FES: variants seen among roughly 807,000 people sequenced by gnomAD.
The protein encoded by FES is tyrosine-protein kinase Fes/Fps.
Under a neutral mutation model 109.6 loss-of-function variants are expected in FES, and 83 were observed. The observed-to-expected ratio is 0.76, with a 90% confidence interval of 0.63 to 0.91. The LOEUF (loss-of-function observed/expected upper bound fraction) is 0.91. Among genes scored for constraint, FES ranks in the 40% least tolerant of loss-of-function variants. The pLI is 0.00. For synonymous variants in FES, 458 were observed against 442.1 expected (o/e 1.04, Z -0.45); for missense variants, 943 against 1,070.9 (o/e 0.88, Z 1.67).
chr15:90,891,729 G>A (rs1357425944), intron 12 of FES, 53 bp downstream of exon 12: 20 of 1,608,472 alleles, frequency 1.2e-5, no homozygotes, highest in Admixed American at 5.0e-5. Context: ...CTTGGGGAGT[G>A]TGGGTCAGGC....
At chr15:90,891,370 G>C (rs2033197799) in intron 11 of FES, 179 bp downstream of exon 11, 1 of 1,052,850 alleles carries the variant, frequency 9.5e-7, no homozygotes, top group Non-Finnish European at 1.4e-6. Flanking sequence ...AGAGGCTTAA[G>C]TGTGAGTCCT....
rs143333656 is a variant in FES at position 90,889,928 on chromosome 15, C to T, written c.1015C>T (p.Arg339Trp). 1.7e-5 allele frequency: 27 copies of T among 1,613,500 alleles called. No individual in the cohort carries two copies. Among genetic ancestry groups the T allele is most frequent in the African/African-American group, 2.7e-5 (2 of 74,962 alleles). ...EMVTQLQQEL[R>W]NEEENTHPRE... Reference sequence around the variant, plus strand: ...GGTTACGCAGCTGCAACAGGAGCTCCGGAATGAAGAGGAGAACACCCACCC... The same window carrying T: ...GGTTACGCAGCTGCAACAGGAGCTCTGGAATGAAGAGGAGAACACCCACCC... Residue 339 changes from arginine to tryptophan, a missense_variant, in exon 8 of 19, where the codon CGG becomes TGG. Transcript: ENST00000328850. The surrounding 1 kb of genome is among the most constrained non-coding windows in gnomAD (Gnocchi z 6.1).
intron 4 of FES, 37 bp from the exon 5 acceptor site, chr15:90,887,150 A>G (rs1018101780): frequency 6.2e-7 from 1 of 1,612,138 alleles, no homozygotes; most frequent in African/African-American, 1.3e-5. Flanking sequence ...CTGGGCCTCC[A>G]TGCTGTCATC....
In FES at chr15:90,884,901, C is replaced by T. The variant is rs891802571; in HGVS notation, c.-9-136C>T. On this transcript the variant is annotated intron_variant, in intron 1 of 18. Transcript: ENST00000328850. Reference sequence around the variant, plus strand: ...GGCTGCTGCTGGGTACCCATGGCTGCGTGTGAGCGAGGCAGGACCCCACCT... The same window carrying T: ...GGCTGCTGCTGGGTACCCATGGCTGTGTGTGAGCGAGGCAGGACCCCACCT... 4.2e-6 allele frequency: 3 copies of T among 713,308 alleles called. No individual in the cohort carries two copies. The African/African-American group carries it at 5.3e-5, about 13-fold the overall frequency. The allele number at this position is 713,308 out of a possible 1,614,324, so 44.2% of individuals were successfully genotyped here.
intron 9 of FES, 57 bp downstream of exon 9, chr15:90,890,335 GCTC>G (rs2033090419): frequency 1.3e-6 from 2 of 1,592,832 alleles, no homozygotes; most frequent in Admixed American, 1.7e-5. Context: ...CTGGGGCTGC[GCTC>G]CTCATTTTCG....
chr15:90,892,822 C>T lies in FES; in HGVS notation c.1823C>T (p.Ala608Val), dbSNP rs1043023635. ...PDLKAKFLQEARILKQYSHPN... is the reference protein window; with the variant it reads ...PDLKAKFLQEVRILKQYSHPN... ...CTCAAGGCCAAGTTTCTACAGGAAG[C>T]GAGGTGGGTGATAAACTAATGATCA... is the stretch of plus-strand genomic sequence containing the variant. Residue 608 changes from alanine (A) to valine (V), a missense_variant, in exon 14 of 19, where the codon GCG becomes GTG. Physicochemically the swap from Ala to Val is moderately conservative, Grantham distance 64. Coordinates refer to ENST00000328850, the MANE Select transcript of FES (RefSeq NM_002005.4). 3.1e-6 allele frequency: 5 copies of T among 1,612,942 alleles called. No homozygotes were observed. The highest frequency in any genetic ancestry group is 4.2e-6 in the Non-Finnish European group (5 of 1,179,478).
chr15:90,891,993 C>T (rs576191125), intron 12 of FES, 65 bp from the exon 13 acceptor site: 1 of 1,591,706 alleles, frequency 6.3e-7, no homozygotes, highest in South Asian at 1.1e-5. Context: ...GAGGACACAG[C>T]CCTTCTAAGG....
In FES at chr15:90,887,275, G is replaced by C; in HGVS notation, c.573G>C (p.Arg191=). 3 of 1,613,294 alleles carry C rather than the reference G, an allele frequency of 1.9e-6. No homozygotes were observed. Among genetic ancestry groups the C allele is most frequent in the Non-Finnish European group, 2.5e-6 (3 of 1,180,044 alleles). The change falls in exon 5 of 19, where the codon CGG becomes CGC. Residue 191 remains arginine, a synonymous_variant. Transcript: ENST00000328850. ...AHHNRYVLGV[R]AAQLHHQHHH... The stretch of plus-strand genomic sequence containing the variant: ...ACAACCGCTATGTGCTGGGCGTGCG[G>C]GCTGCGCAGCTACACCACCAGCACC...
Position 90,889,962 on chromosome 15 carries a change from G to A in FES, c.1049G>A (p.Arg350Gln), listed in dbSNP as rs772816067. Residue 350 changes from arginine (R) to glutamine (Q), a missense_variant and splice_region_variant, in exon 8 of 19, where the codon CGG becomes CAG. Physicochemically the swap from Arg to Gln is conservative, Grantham distance 43. Transcript: ENST00000328850. The surrounding 1 kb of genome is among the most constrained non-coding windows in gnomAD (Gnocchi z 6.1). ...GAGGAGAACACCCACCCCCGGGAGCGGTGAGTGGGCCCCTGCCTGCAGCAG... is the reference window on the plus strand; with the variant it reads ...GAGGAGAACACCCACCCCCGGGAGCAGTGAGTGGGCCCCTGCCTGCAGCAG... ...NEEENTHPRE[R>Q]VQLLGKRQVL... The A allele has an allele frequency of 6.2e-6, 10 of 1,612,742 alleles. No individual in the cohort carries two copies. Among genetic ancestry groups the A allele is most frequent in the East Asian group, 2.2e-5 (1 of 44,864 alleles).
chr15:90,885,830 G>A (rs537122450), intron 3 of FES, among the ~76,000 whole-genome samples: 15 of 152,280 alleles, frequency 9.9e-5, no homozygotes, highest in African/African-American at 3.4e-4. Context: ...ATGAGTGACC[G>A]GTCACGTGCC....
chr15:90,886,880 C>T, intron 3 of FES, 81 bp from the exon 4 acceptor site: 8 of 1,382,768 alleles, frequency 5.8e-6, no homozygotes, highest in Non-Finnish European at 7.2e-6. Flanking sequence ...ACGACAGGAC[C>T]TTTCCAGGGC....
In FES at chr15:90,892,908, C is replaced by T. The variant is rs572124178; in HGVS notation, c.1826+83C>T. On this transcript the variant is annotated intron_variant, in intron 14 of 18. Coordinates refer to ENST00000328850, the MANE Select transcript of FES (RefSeq NM_002005.4). ...GGCACAGTGTGAAGTGCTTGACCAC[C>T]GTGGTGGTGTTTAGTCCTCGAGGCC... is the stretch of plus-strand genomic sequence containing the variant. 8.1e-4 allele frequency: 1,189 copies of T among 1,471,422 alleles called. 2 individuals are homozygous for T. The highest frequency in any genetic ancestry group is 1.1e-3 in the Non-Finnish European group (1,133 of 1,060,172). The allele number at this position is 1,471,422 out of a possible 1,614,324, so 91.1% of individuals were successfully genotyped here. A position where few individuals can be genotyped will look rare whatever the true frequency, so the allele number is the denominator to read the frequency against.
chr15:90,885,059 C>A lies in FES; in HGVS notation c.14C>A (p.Ser5Tyr). The A allele has an allele frequency of 6.2e-7, 1 of 1,611,790 alleles. No homozygotes were observed. Among genetic ancestry groups the A allele is most frequent in the Non-Finnish European group, 8.5e-7 (1 of 1,179,454 alleles). The change falls in exon 2 of 19, where the codon TCC (serine) becomes TAC (tyrosine). Residue 5 changes from serine to tyrosine, a missense_variant. Physicochemically the swap from Ser to Tyr is moderately radical, Grantham distance 144. Coordinates refer to ENST00000328850, the MANE Select transcript of FES (RefSeq NM_002005.4). ...CAGAACAGCACTATGGGCTTCTCTT[C>A]CGAGCTGTGCAGCCCCCAGGGCCAC... MGFS[S>Y]ELCSPQGHGV...
rs1348898293 is a variant in FES at position 90,886,496 on chromosome 15, G to A, written c.388-465G>A. 2.0e-5 allele frequency among the ~76,000 whole-genome samples: 3 copies of A among 152,192 alleles called. No individual in the cohort carries two copies. In the East Asian group the frequency reaches 5.8e-4, roughly 29 times the overall value. On this transcript the variant is annotated intron_variant, in intron 3 of 18. Coordinates refer to ENST00000328850, the MANE Select transcript of FES (RefSeq NM_002005.4). The stretch of plus-strand genomic sequence containing the variant: ...TCCCAGCACATAAACAGGAGAACTG[G>A]GACGAGAACACTGATCTCGGGCTGT...
In FES at chr15:90,887,242, T is replaced by G; in HGVS notation, c.540T>G (p.Phe180Leu). The G allele has an allele frequency of 6.2e-7, 1 of 1,613,562 alleles. No individual in the cohort carries two copies. The highest frequency in any genetic ancestry group is 1.1e-5 in the South Asian group (1 of 91,090). Residue 180 changes from phenylalanine to leucine, a missense_variant, in exon 5 of 19, where the codon TTT (phenylalanine) becomes TTG (leucine). Phe to Leu is a conservative substitution (Grantham distance 22, BLOSUM62 0). Coordinates refer to ENST00000328850, the MANE Select transcript of FES (RefSeq NM_002005.4). ...ATGTGCGCAGCCTGTGGAAGCTCTT[T>G]GCTCACCACAACCGCTATGTGCTGG... ...DKYVRSLWKL[F>L]AHHNRYVLGV...
At position 90,893,937 on chromosome 15, in the gene FES, C is replaced by G. The variant is rs371390787; in HGVS notation, c.2205C>G (p.Gly735=). The change falls in exon 18 of 19, where the codon GGC becomes GGG. Residue 735 remains glycine (G), a splice_region_variant and synonymous_variant. Transcript: ENST00000328850. ...KWTAPEALNY[G]RYSSESDVWS... ...CTCACCTCCTCGCCTCCTCTGCAGG[C>G]CGCTACTCCTCCGAAAGCGACGTGT... 5 of 1,613,528 alleles carry G rather than the reference C, an allele frequency of 3.1e-6. No individual in the cohort carries two copies. The African/African-American group carries it at 5.3e-5, about 17-fold the overall frequency.
intron 3 of FES, among the ~76,000 whole-genome samples, chr15:90,885,989 C>A (rs951429046): frequency 6.6e-6 from 1 of 152,198 alleles, no homozygotes; most frequent in South Asian, 2.1e-4. Flanking sequence ...AGCAGCATGG[C>A]CCCCCGAAGG....
rs749751403 is a variant in FES, at chr15:90,892,842, T to C, written c.1826+17T>C. On this transcript the variant is annotated intron_variant, in intron 14 of 18. Coordinates refer to ENST00000328850, the MANE Select transcript of FES (RefSeq NM_002005.4). ...GGAAGCGAGGTGGGTGATAAACTAA[T>C]GATCACCACGGGTCCCGCATACACA... 1.9e-6 allele frequency: 3 copies of C among 1,607,756 alleles called. No individual in the cohort carries two copies. Among genetic ancestry groups the C allele is most frequent in the Non-Finnish European group, 2.6e-6 (3 of 1,175,182 alleles).
rs2033165597 is a variant in FES, at chr15:90,891,015, C to T, written c.1354C>T (p.Gln452Ter). ...ACCGCTGCAGCTCATTCCGGAGGTG[C>T]AGAAGCCCCTGCATGAGCAGCTGTG... Reference protein sequence around the residue: ...PPPLQLIPEVQKPLHEQLWYH... With the variant: ...PPPLQLIPEV The change falls in exon 11 of 19, where the codon CAG becomes TAG. Residue 452 changes from glutamine to a stop codon, truncating the protein, a stop_gained. Coordinates refer to ENST00000328850, the MANE Select transcript of FES (RefSeq NM_002005.4). LOFTEE classifies it high-confidence loss of function. The T allele has an allele frequency of 1.3e-6, 2 of 1,595,268 alleles. No individual in the cohort carries two copies. Among genetic ancestry groups the T allele is most frequent in the Non-Finnish European group, 8.5e-7 (1 of 1,170,740 alleles).
Sources: gnomAD v4.1 joint callset for allele counts (sites outside exome capture counted in the v4.1 genomes callset) on GRCh38, gnomAD v4.1.1 for gene constraint, Gnocchi (gnomAD v3.1) non-coding constraint, MANE v1.5 for transcripts, NCBI Gene and HGNC (gene_info 2026-07-23, HGNC 2026-07-21) for gene names.